The following EBF1 variants were observed in gnomAD, a reference collection of about 807,000 sequenced individuals.
EBF1 encodes transcription factor COE1.
In EBF1, 10 loss-of-function variants were observed where a neutral mutation model predicts 68.4. That is an observed-to-expected ratio of 0.15 (90% CI 0.09 to 0.25). The LOEUF is 0.25. Ranked by LOEUF, EBF1 falls within the 10% of genes least tolerant of loss-of-function variation. The pLI is 1.00. For missense variants in EBF1, 509 were observed against 794.4 expected (o/e 0.64, Z 4.32); for synonymous variants, 298 against 299.8 (o/e 0.99, Z 0.06).
rs140648144 is a variant in EBF1 at position 158,905,766 on chromosome 5, C to T, written c.555-65656G>A. 2.0e-3 allele frequency among the ~76,000 whole-genome samples: 310 copies of T among 152,184 alleles called. 3 individuals are homozygous for T. Among genetic ancestry groups the T allele is most frequent in the African/African-American group, 7.3e-3 (303 of 41,522 alleles). On this transcript the variant is annotated intron_variant, in intron 6 of 15. Transcript: ENST00000313708. ...AGCTGGGGCAAAGGAGATTTAATGACTAAAGTTCTAAAGGCAACCCAGTGA... is the reference window on the plus strand; with the variant it reads ...AGCTGGGGCAAAGGAGATTTAATGATTAAAGTTCTAAAGGCAACCCAGTGA...
intron 10 of EBF1, among the ~76,000 whole-genome samples, chr5:158,768,900 T>C (rs1303914238): frequency 6.6e-6 from 1 of 152,200 alleles, no homozygotes; most frequent in Non-Finnish European, 1.5e-5. Flanking sequence ...AAATAGTTTA[T>C]TGGCTTTGAA....
At chr5:158,732,525 C>T (rs1310685880) in intron 10 of EBF1, among the ~76,000 whole-genome samples, 1 of 151,828 alleles carries the variant, frequency 6.6e-6, no homozygotes, top group Non-Finnish European at 1.5e-5. Context: ...AAAAGGCTAT[C>T]AATCATTTCT....
At chr5:158,996,474 G>C (rs922897759) in intron 6 of EBF1, among the ~76,000 whole-genome samples, 8 of 152,154 alleles carry the variant, frequency 5.3e-5, no homozygotes, top group Non-Finnish European at 1.2e-4. Flanking sequence ...AAAGGATATT[G>C]TTTCACTTTC....
At chr5:158,872,048 A>G (rs942781299) in intron 6 of EBF1, among the ~76,000 whole-genome samples, 2 of 152,146 alleles carry the variant, frequency 1.3e-5, no homozygotes, top group African/African-American at 4.8e-5. Context: ...TACAAAACAT[A>G]CTTCACAACC....
intron 11 of EBF1, among the ~76,000 whole-genome samples, chr5:158,722,974 A>T (rs1160367941): frequency 6.6e-6 from 1 of 152,164 alleles, no homozygotes; most frequent in African/African-American, 2.4e-5. Context: ...ATGCCCCTGT[A>T]TGCAGGGTAT....
intron 6 of EBF1, among the ~76,000 whole-genome samples, chr5:158,993,686 G>T (rs1309396611): frequency 1.3e-5 from 2 of 152,164 alleles, no homozygotes; most frequent in East Asian, 3.9e-4. Context: ...TGCTCCAAAT[G>T]TAAAATGACA....
chr5:159,030,436 G>A (rs1247118266), intron 6 of EBF1, among the ~76,000 whole-genome samples: 1 of 152,180 alleles, frequency 6.6e-6, no homozygotes, highest in Non-Finnish European at 1.5e-5. Context: ...TGAGTAAATA[G>A]ATATACTTTT....
intron 6 of EBF1, among the ~76,000 whole-genome samples, chr5:158,969,049 C>A (rs1262694483): frequency 6.6e-6 from 1 of 152,178 alleles, no homozygotes; most frequent in African/African-American, 2.4e-5. Context: ...CGCCTGTAAT[C>A]CCAGAACTTT....
At chr5:158,710,757 T>C (rs1322855877) in intron 14 of EBF1, among the ~76,000 whole-genome samples, 1 of 152,226 alleles carries the variant, frequency 6.6e-6, no homozygotes, top group Non-Finnish European at 1.5e-5. Flanking sequence ...GAACAATCCA[T>C]ACTTTCACTA....
chr5:158,880,308 C>T (rs538110173), intron 6 of EBF1, among the ~76,000 whole-genome samples: 1 of 152,204 alleles, frequency 6.6e-6, no homozygotes, highest in South Asian at 2.1e-4. Context: ...CCTGAGAAAC[C>T]GCAGCTTTAG....
chr5:158,906,963 C>A (rs557840471), intron 6 of EBF1, among the ~76,000 whole-genome samples: 6 of 152,302 alleles, frequency 3.9e-5, no homozygotes, highest in African/African-American at 1.4e-4. Context: ...AACTCTGTAA[C>A]CTCCTTACGA....
intron 8 of EBF1, among the ~76,000 whole-genome samples, chr5:158,822,267 CGGATGGATGGAT>C (rs958054113): frequency 1.2e-3 from 68 of 57,070 alleles, no homozygotes; most frequent in Non-Finnish European, 2.2e-3. Flanking sequence ...GACGGATGGA[CGGATGGATGGAT>C]GGATGGATGG....
chr5:158,846,464 C>T (rs1791548928), intron 6 of EBF1, among the ~76,000 whole-genome samples: 1 of 152,148 alleles, frequency 6.6e-6, no homozygotes, highest in Admixed American at 6.5e-5. Context: ...AAGCACCTAT[C>T]CCTACCCAGC....
chr5:158,800,036 G>T (rs1255172637), intron 8 of EBF1, among the ~76,000 whole-genome samples: 1 of 152,044 alleles, frequency 6.6e-6, no homozygotes. Context: ...TAAAACTATA[G>T]GTACCCAAAT....
At chr5:158,782,417 G>T (rs976839315) in intron 9 of EBF1, among the ~76,000 whole-genome samples, 65 of 152,210 alleles carry the variant, frequency 4.3e-4, no homozygotes, top group African/African-American at 1.5e-3. Context: ...TCAACAGTTT[G>T]GGACGCTGAG....
At chr5:159,041,251 T>C (rs554946427) in intron 6 of EBF1, among the ~76,000 whole-genome samples, 2 of 152,354 alleles carry the variant, frequency 1.3e-5, no homozygotes, top group South Asian at 4.1e-4. Context: ...AAACACTGCA[T>C]GGAAAAGGCA....
At chr5:158,808,023 T>C (rs559213612) in intron 8 of EBF1, among the ~76,000 whole-genome samples, 3 of 152,318 alleles carry the variant, frequency 2.0e-5, no homozygotes, top group South Asian at 4.1e-4. Context: ...ACTTTCATTA[T>C]TCAGAGCCTT....
chr5:158,963,343 C>T (rs4921205), intron 6 of EBF1, among the ~76,000 whole-genome samples: 4,537 of 152,306 alleles, frequency 0.03, 99 homozygotes, highest in African/African-American at 0.051. Flanking sequence ...TTAACTTTTA[C>T]GGAATGACAG....
At chr5:159,039,312 A>C (rs1770729483) in intron 6 of EBF1, among the ~76,000 whole-genome samples, 1 of 152,232 alleles carries the variant, frequency 6.6e-6, no homozygotes, top group African/African-American at 2.4e-5. Flanking sequence ...AATCTATACA[A>C]AAGTGATTAC....
Sources: allele counts gnomAD v4.1 joint callset (sites outside exome capture counted in the v4.1 genomes callset), GRCh38; gene constraint gnomAD v4.1.1; transcripts MANE v1.5; gene names NCBI Gene and HGNC (gene_info 2026-07-23, HGNC 2026-07-21).